The following PCDHGA10 variants were observed in gnomAD, a reference collection of about 807,000 sequenced individuals.
PCDHGA10 encodes the protein protocadherin gamma subfamily A, 10.
A neutral mutation model predicts 59.5 loss-of-function variants in PCDHGA10; 42 were observed. That is an observed-to-expected ratio of 0.71 (90% CI 0.55 to 0.91). The LOEUF is 0.91. Ranked by LOEUF, PCDHGA10 falls within the 40% of genes least tolerant of loss-of-function variation. The probability of loss-of-function intolerance (pLI) is 0.00; values close to 1 mark genes in which losing one functional copy is unlikely to be tolerated. For synonymous variants in PCDHGA10, 511 were observed against 517.2 expected, an observed-to-expected ratio of 0.99 and a Z score of 0.16; for missense variants, 1,111 against 1,198.2, an observed-to-expected ratio of 0.93 and a Z score of 1.07.
Position 141,507,906 on chromosome 5 carries a change from G to A in PCDHGA10, c.2584+2425G>A, listed in dbSNP as rs2099864753. ...AGAGAGGTTCCTGAAGTCCAGCCCA[G>A]CCAGGCCTGTGGGGCTGCTGAGAGG... On this transcript the variant is annotated intron_variant, in intron 3 of 3. Coordinates refer to ENST00000398610, the MANE Select transcript of PCDHGA10 (RefSeq NM_018913.3). Among the ~76,000 whole-genome samples, 4 of 152,216 alleles carry A rather than the reference G, an allele frequency of 2.6e-5. No homozygotes were observed. The South Asian group carries it at 8.3e-4, about 32-fold the overall frequency.
rs200686404 is a variant in PCDHGA10 at position 141,477,185 on chromosome 5, G to A, written c.2437-17622G>A. On this transcript the variant is annotated intron_variant, in intron 1 of 3. Transcript: ENST00000398610. The surrounding 1 kb of genome is among the most constrained non-coding windows in gnomAD (Gnocchi z 4.9). ...CGCCCCGGAGATCACAGTCACCTCCGTGTACAGCCCAGTACCCGAGGATGC... is the reference window on the plus strand; with the variant it reads ...CGCCCCGGAGATCACAGTCACCTCCATGTACAGCCCAGTACCCGAGGATGC... 1.2e-6 allele frequency: 2 copies of A among 1,614,210 alleles called. No individual in the cohort carries two copies. Among genetic ancestry groups the A allele is most frequent in the South Asian group, 1.1e-5 (1 of 91,084 alleles).
Position 141,476,698 on chromosome 5 carries a change from G to T in PCDHGA10, c.2437-18109G>T. The T allele has an allele frequency of 4.3e-6, 7 of 1,614,056 alleles. No homozygotes were observed. Among genetic ancestry groups the T allele is most frequent in the Non-Finnish European group, 5.9e-6 (7 of 1,179,986 alleles). ...CGCGGGAGGACAGCACCAAGTACGC[G>T]GAGCTGGTGTTGGAGCGCGCCCTGG... On this transcript the variant is annotated intron_variant, in intron 1 of 3. Coordinates refer to ENST00000398610, the MANE Select transcript of PCDHGA10 (RefSeq NM_018913.3). The surrounding 1 kb of genome is among the most constrained non-coding windows in gnomAD (Gnocchi z 7.6).
In PCDHGA10 at chr5:141,511,086, G is replaced by A. The variant is rs2099883600; in HGVS notation, c.2724G>A (p.Leu908=). The A allele has an allele frequency of 1.2e-6, 2 of 1,614,062 alleles. No individual in the cohort carries two copies. The highest frequency in any genetic ancestry group is 2.2e-5 in the East Asian group (1 of 44,886). The change falls in exon 4 of 4, where the codon CTG becomes CTA. Residue 908 remains leucine (L), a synonymous_variant. Transcript: ENST00000398610. ...ACATCCCAGGCAGCAATGCCACACT[G>A]ACCAACGCAGCTGGCAAGCGGGATG... is the stretch of plus-strand genomic sequence containing the variant. The part of the protein sequence containing the change: ...NVYIPGSNAT[L]TNAAGKRDGK...
At position 141,487,510 on chromosome 5, in the gene PCDHGA10, C is replaced by A; in HGVS notation, c.2437-7297C>A. On this transcript the variant is annotated intron_variant, in intron 1 of 3. Transcript: ENST00000398610. The surrounding 1 kb of genome is among the most constrained non-coding windows in gnomAD (Gnocchi z 5.0). ...GCTGTACACCCTTGGCTTCTGCACC[C>A]ACTCGGAGTGATAGCTTCATGATGG... is the stretch of plus-strand genomic sequence containing the variant. The A allele has an allele frequency of 6.2e-7, 1 of 1,614,210 alleles. No homozygotes were observed. Among genetic ancestry groups the A allele is most frequent in the Non-Finnish European group, 8.5e-7 (1 of 1,180,042 alleles).
chr5:141,455,495 G>C (rs2098824459), intron 1 of PCDHGA10, among the ~76,000 whole-genome samples: 1 of 152,204 alleles, frequency 6.6e-6, no homozygotes, highest in East Asian at 1.9e-4. Flanking sequence ...GGTGATGTCT[G>C]ATTTGCATAG....
intron 1 of PCDHGA10, chr5:141,415,899 G>A (rs1224954481): frequency 1.2e-6 from 1 of 869,552 alleles, no homozygotes; most frequent in Non-Finnish European, 1.6e-6. Flanking sequence ...TCCTAAGACA[G>A]ACTTCCATAC....
At chr5:141,419,897 A>C in intron 1 of PCDHGA10, 1 of 1,613,960 alleles carries the variant, frequency 6.2e-7, no homozygotes, top group Non-Finnish European at 8.5e-7. Context: ...CGACCATCCC[A>C]CACCCTCTGA....
chr5:141,465,502 G>A (rs948827391), intron 1 of PCDHGA10, among the ~76,000 whole-genome samples: 6 of 152,268 alleles, frequency 3.9e-5, no homozygotes, highest in Admixed American at 2.0e-4. Context: ...GAGCATTGTC[G>A]TGGTCAGGAA....
rs575872277 is a variant in PCDHGA10, at chr5:141,511,848, G to A, written c.*675G>A. The A allele has an allele frequency of 6.4e-6, 1 of 156,684 alleles. No individual in the cohort carries two copies. The highest frequency in any genetic ancestry group is 2.0e-4 in the South Asian group (1 of 5,078). The allele number at this position is 156,684 out of a possible 1,614,324, so 9.7% of individuals were successfully genotyped here. A position where few individuals can be genotyped will look rare whatever the true frequency, so the allele number is the denominator to read the frequency against. ...GCCCTGGGGACCAGTCTTCTGTTTT[G>A]TTTTTCATTGTTTGACGTTTCCACT... On this transcript the variant is annotated 3_prime_UTR_variant, in exon 4 of 4. Transcript: ENST00000398610.
rs1464961193 is a variant in PCDHGA10 at position 141,432,346 on chromosome 5, A to G, written c.2436+16735A>G. The G allele has an allele frequency of 6.2e-7, 1 of 1,614,192 alleles. No homozygotes were observed. Among genetic ancestry groups the G allele is most frequent in the African/African-American group, 1.3e-5 (1 of 75,054 alleles). On this transcript the variant is annotated intron_variant, in intron 1 of 3. Coordinates refer to ENST00000398610, the MANE Select transcript of PCDHGA10 (RefSeq NM_018913.3). This position sits in a 1 kb window ranked among gnomAD's most constrained non-coding sequence, Gnocchi z 6.0. ...ACTACGAGCAGTTCCGAGACTTGCA[A>G]GTGAAAGTGATGGCGCGGGACAACG...
intron 1 of PCDHGA10, among the ~76,000 whole-genome samples, chr5:141,443,479 C>G (rs1285767691): frequency 6.6e-6 from 1 of 152,144 alleles, no homozygotes; most frequent in African/African-American, 2.4e-5. Context: ...GAATTAGACC[C>G]TGTCCCAAAA....
At chr5:141,420,160 T>G in intron 1 of PCDHGA10, 1 of 1,614,044 alleles carries the variant, frequency 6.2e-7, no homozygotes, top group Non-Finnish European at 8.5e-7. Flanking sequence ...AATTTAATTT[T>G]TTCACATCTG....
Position 141,486,656 on chromosome 5 carries a change from C to A in PCDHGA10, c.2437-8151C>A. 6.2e-7 allele frequency: 1 copy of A among 1,614,020 alleles called. No homozygotes were observed. Among genetic ancestry groups the A allele is most frequent in the Non-Finnish European group, 8.5e-7 (1 of 1,180,038 alleles). On this transcript the variant is annotated intron_variant, in intron 1 of 3. Transcript: ENST00000398610. This position sits in a 1 kb window ranked among gnomAD's most constrained non-coding sequence, Gnocchi z 5.0. ...GAATGCGCTTATCTCCTACTCACTCCTGGAGCCCAGGAATCGAGATGTATC... is the reference window on the plus strand; with the variant it reads ...GAATGCGCTTATCTCCTACTCACTCATGGAGCCCAGGAATCGAGATGTATC...
chr5:141,418,063 G>T (rs2015825), intron 1 of PCDHGA10: 734,858 of 1,613,808 alleles, frequency 0.46, 174,471 homozygotes, highest in African/African-American at 0.8. Flanking sequence ...AGCTGCGAGT[G>T]AGCGCGGAGA....
intron 1 of PCDHGA10, among the ~76,000 whole-genome samples, chr5:141,466,627 C>G (rs1448245449): frequency 6.6e-6 from 1 of 152,154 alleles, no homozygotes; most frequent in African/African-American, 2.4e-5. Flanking sequence ...TTCTTTGGAG[C>G]ATTGTCTCCA....
intron 1 of PCDHGA10, among the ~76,000 whole-genome samples, chr5:141,473,907 C>T (rs552055360): frequency 2.0e-4 from 30 of 152,220 alleles, no homozygotes; most frequent in African/African-American, 7.2e-4. Context: ...ATGAAGAGGT[C>T]TTAAGAAAAC....
chr5:141,421,374 C>G, intron 1 of PCDHGA10: 1 of 1,614,062 alleles, frequency 6.2e-7, no homozygotes, highest in Non-Finnish European at 8.5e-7. Context: ...TGGGCAATAT[C>G]TCCAAGGACC....
At chr5:141,433,215 T>A (rs755571112) in intron 1 of PCDHGA10, 1 of 1,568,720 alleles carries the variant, frequency 6.4e-7, no homozygotes, top group South Asian at 1.2e-5. Flanking sequence ...TTTCTTTTTT[T>A]TTTTTAATTG....
rs564486909 is a variant in PCDHGA10, at chr5:141,428,072, G to C, written c.2436+12461G>C. ...AGGTGGTGGCGGTGGACGCAGATTC[G>C]GGACACAACGCTTGGCTGTCCTACC... is the stretch of plus-strand genomic sequence containing the variant. On this transcript the variant is annotated intron_variant, in intron 1 of 3. Transcript: ENST00000398610. 5 of 1,609,080 alleles carry C rather than the reference G, an allele frequency of 3.1e-6. 1 individual carries two copies. The South Asian group carries it at 5.5e-5, about 18-fold the overall frequency.
Sources: gnomAD v4.1 joint callset for allele counts (sites outside exome capture counted in the v4.1 genomes callset) on GRCh38, gnomAD v4.1.1 for gene constraint, Gnocchi (gnomAD v3.1) non-coding constraint, MANE v1.5 for transcripts, NCBI Gene and HGNC (gene_info 2026-07-23, HGNC 2026-07-21) for gene names.